Variants in RASGRF2 observed in about 807,000 individuals in gnomAD.
RASGRF2 encodes Ras protein specific guanine nucleotide releasing factor 2.
In RASGRF2, 76 loss-of-function variants were observed where a neutral mutation model predicts 151.0. That is an observed-to-expected ratio of 0.50 (90% CI 0.42 to 0.61). RASGRF2 has a LOEUF of 0.61. RASGRF2 is among the 20% of genes least tolerant of loss of function. The probability of loss-of-function intolerance (pLI) is 0.00; values close to 1 mark genes in which losing one functional copy is unlikely to be tolerated. For missense variants in RASGRF2, 1,148 were observed against 1,564.6 expected (o/e 0.73, Z 4.49); for synonymous variants, 504 against 566.5 (o/e 0.89, Z 1.57).
At chr5:80,967,672 C>T (rs1747767031) in intron 1 of RASGRF2, among the ~76,000 whole-genome samples, 1 of 152,080 alleles carries the variant, frequency 6.6e-6, no homozygotes, top group South Asian at 2.1e-4. Flanking sequence ...ATTTGTGTGA[C>T]TAATGTAAAC....
At chr5:81,083,746 G>A (rs1342941744) in intron 7 of RASGRF2, among the ~76,000 whole-genome samples, 1 of 152,184 alleles carries the variant, frequency 6.6e-6, no homozygotes, top group African/African-American at 2.4e-5. Context: ...AAAGTCCATT[G>A]GTAAGCCAAT....
At chr5:80,969,983 C>A (rs180714989) in intron 1 of RASGRF2, among the ~76,000 whole-genome samples, 115 of 151,890 alleles carry the variant, frequency 7.6e-4, no homozygotes, top group African/African-American at 2.7e-3. Context: ...TGCACCACCA[C>A]CCCGACTAAT....
intron 7 of RASGRF2, among the ~76,000 whole-genome samples, 167 bp from the exon 8 acceptor site, chr5:81,085,635 T>G (rs1752207086): frequency 6.6e-6 from 1 of 152,216 alleles, no homozygotes; most frequent in Non-Finnish European, 1.5e-5. Flanking sequence ...GTGCATGAAG[T>G]GTGAAGTGTA....
intron 1 of RASGRF2, among the ~76,000 whole-genome samples, chr5:80,992,793 T>C (rs1302878722): frequency 6.6e-6 from 1 of 151,986 alleles, no homozygotes; most frequent in Non-Finnish European, 1.5e-5. Context: ...TAAAACAAAA[T>C]ACACAAGGAG....
Position 81,228,155 on chromosome 5 carries a change from A to G in RASGRF2, c.*2385A>G, listed in dbSNP as rs950603140. 6.6e-6 allele frequency: 1 copy of G among 152,298 alleles called. No homozygotes were observed. The highest frequency in any genetic ancestry group is 1.5e-5 in the Non-Finnish European group (1 of 68,152). 9.4% of individuals were successfully genotyped at this position (152,298 alleles called of 1,614,324 possible). On this transcript the variant is annotated 3_prime_UTR_variant, in exon 27 of 27. Transcript: ENST00000265080. ...GGCTGGTCTCGAACTCCTGGACTCA[A>G]GCAATCTTCCTGCCTCAGCCTCTCA...
chr5:80,979,318 A>G (rs1748226551), intron 1 of RASGRF2, among the ~76,000 whole-genome samples: 1 of 152,226 alleles, frequency 6.6e-6, no homozygotes, highest in African/African-American at 2.4e-5. Context: ...AAGACCAAAT[A>G]TAGTAGTCTA....
At chr5:81,161,877 T>C (rs1293159821) in intron 17 of RASGRF2, among the ~76,000 whole-genome samples, 1 of 152,002 alleles carries the variant, frequency 6.6e-6, no homozygotes, top group Non-Finnish European at 1.5e-5. Context: ...TATCATCTTC[T>C]ATTTAAATTC....
intron 26 of RASGRF2, chr5:81,223,373 G>C (rs1324563478): frequency 7.6e-6 from 1 of 130,898 alleles, no homozygotes; most frequent in African/African-American, 2.9e-5. Flanking sequence ...CGGGCGCGGT[G>C]GCTCACGCCT....
At position 81,070,622 on chromosome 5, in the gene RASGRF2, C is replaced by T. The variant is rs1476064232; in HGVS notation, c.633+41C>T. 2.0e-6 allele frequency: 3 copies of T among 1,516,056 alleles called. No individual in the cohort carries two copies. In the South Asian group the frequency reaches 3.4e-5, roughly 17 times the overall value. The allele number at this position is 1,516,056 out of a possible 1,614,324, so 93.9% of individuals were successfully genotyped here. On this transcript the variant is annotated intron_variant, in intron 4 of 26. Coordinates refer to ENST00000265080, the MANE Select transcript of RASGRF2 (RefSeq NM_006909.3). The stretch of plus-strand genomic sequence containing the variant: ...TTCCAGCTTTGTAGGAGCATGGTGA[C>T]CAGTCGTCTGTTCTATGGTGGTGTC...
intron 2 of RASGRF2, among the ~76,000 whole-genome samples, 171 bp downstream of exon 2, chr5:81,043,154 C>T (rs1026865436): frequency 1.3e-5 from 2 of 152,168 alleles, no homozygotes; most frequent in African/African-American, 4.8e-5. Context: ...GGCTACATTC[C>T]AGCTAAAGAT....
At chr5:81,099,976 C>T (rs145655910) in intron 12 of RASGRF2, among the ~76,000 whole-genome samples, 15,055 of 144,234 alleles carry the variant, frequency 0.1, 866 homozygotes, top group African/African-American at 0.15. Flanking sequence ...GGCATGATCT[C>T]GGCTCACTGC....
At chr5:80,992,183 T>TAC (rs70994409) in intron 1 of RASGRF2, among the ~76,000 whole-genome samples, 16 of 140,446 alleles carry the variant, frequency 1.1e-4, no homozygotes, top group Non-Finnish European at 2.2e-4. Context: ...CACACACAGA[T>TAC]ACACACACAC....
In RASGRF2 at chr5:81,028,721, A is replaced by G. The variant is rs1213525017; in HGVS notation, c.289-14156A>G. Among the ~76,000 whole-genome samples, 4 of 152,234 alleles carry G rather than the reference A, an allele frequency of 2.6e-5. No individual in the cohort carries two copies. In the East Asian group the frequency reaches 7.7e-4, roughly 29 times the overall value. ...CCGAATAGGAACAGCTGCAGTCTAC[A>G]GCTCCCAGGGTGAGCGACGCAGAAG... On this transcript the variant is annotated intron_variant, in intron 1 of 26. Transcript: ENST00000265080.
chr5:81,151,231 G>A (rs1754126511), intron 17 of RASGRF2, among the ~76,000 whole-genome samples: 1 of 152,172 alleles, frequency 6.6e-6, no homozygotes, highest in South Asian at 2.1e-4. Context: ...CTCTGGAGAG[G>A]CATCCCCTGA....
At chr5:81,040,258 C>G (rs1371275317) in intron 1 of RASGRF2, among the ~76,000 whole-genome samples, 2 of 152,192 alleles carry the variant, frequency 1.3e-5, no homozygotes, top group Non-Finnish European at 2.9e-5. Flanking sequence ...ATCCTCCTGT[C>G]TCAGCCTCCA....
Position 81,080,633 on chromosome 5 carries a change from T to C in RASGRF2, c.1005T>C (p.Ile335=), listed in dbSNP as rs1371053755. ...LFDILLPMLN[I]YQEFVRNHQY... is the part of the protein sequence containing the mutation. ...ATATTTTGCTCCCCATGCTGAACAT[T>C]TATCAAGAATTTGTGCGTAATCACC... is the stretch of plus-strand genomic sequence containing the variant. The change falls in exon 7 of 27, where the codon ATT becomes ATC. Residue 335 remains isoleucine (I), a synonymous_variant. Coordinates refer to ENST00000265080, the MANE Select transcript of RASGRF2 (RefSeq NM_006909.3). 18 of 1,614,022 alleles carry C rather than the reference T, an allele frequency of 1.1e-5. No homozygotes were observed. Among genetic ancestry groups the C allele is most frequent in the Admixed American group, 1.7e-5 (1 of 60,006 alleles).
chr5:81,047,553 G>T (rs1451419545), intron 2 of RASGRF2, among the ~76,000 whole-genome samples: 1 of 152,164 alleles, frequency 6.6e-6, no homozygotes, highest in African/African-American at 2.4e-5. Flanking sequence ...GGTGTATCTT[G>T]AGCAGGCAGA....
At chr5:81,184,576 A>T (rs1754984277) in intron 18 of RASGRF2, among the ~76,000 whole-genome samples, 1 of 152,244 alleles carries the variant, frequency 6.6e-6, no homozygotes, top group Non-Finnish European at 1.5e-5. Context: ...TCTGCAGATT[A>T]CCACTGGCGC....
Position 81,073,373 on chromosome 5 carries a change from C to A in RASGRF2, c.808C>A (p.Leu270Ile). The A allele has an allele frequency of 3.1e-6, 5 of 1,614,194 alleles. No homozygotes were observed. Among genetic ancestry groups the A allele is most frequent in the Non-Finnish European group, 4.2e-6 (5 of 1,180,034 alleles). Residue 270 changes from leucine (L) to isoleucine (I), a missense_variant, in exon 5 of 27, where the codon CTC becomes ATC. Leu to Ile is a conservative substitution (Grantham distance 5). Transcript: ENST00000265080. ...GCTCTACATCCTGGTCAATGGCTTT[C>A]TCCGGCCCCTGCGTATGGCCGCCAG... ...HQLYILVNGFLRPLRMAASSK... is the reference protein window; with the variant it reads ...HQLYILVNGFIRPLRMAASSK...
Sources: allele counts gnomAD v4.1 joint callset (sites outside exome capture counted in the v4.1 genomes callset), GRCh38; gene constraint gnomAD v4.1.1; transcripts MANE v1.5; gene names NCBI Gene and HGNC (gene_info 2026-07-23, HGNC 2026-07-21).